Variants in ABTB3 observed in about 807,000 individuals in gnomAD.
ABTB3 encodes ankyrin repeat and BTB domain containing 3.
chr12:107,477,390 G>T, the ABTB3 span, among the ~76,000 whole-genome samples: 1 of 152,172 alleles, frequency 6.6e-6, no homozygotes, highest in Non-Finnish European at 1.5e-5. Context: ...GGCCACGTGG[G>T]TTCGCAGGCA....
the ABTB3 span, among the ~76,000 whole-genome samples, chr12:107,390,310 A>G: frequency 1.3e-5 from 2 of 152,204 alleles, no homozygotes; most frequent in Admixed American, 1.3e-4. Flanking sequence ...TCTTCCTTTT[A>G]TGGATGAGAG....
the ABTB3 span, among the ~76,000 whole-genome samples, chr12:107,569,530 T>C: frequency 6.6e-6 from 1 of 152,228 alleles, no homozygotes; most frequent in African/African-American, 2.4e-5. Context: ...TTTTCACAAC[T>C]GTGGTTTCTG....
chr12:107,552,405 C>T, the ABTB3 span, among the ~76,000 whole-genome samples: 1 of 152,210 alleles, frequency 6.6e-6, no homozygotes, highest in African/African-American at 2.4e-5. Context: ...TGAATGACTC[C>T]TAGTCTCCGT....
chr12:107,364,443 A>C, the ABTB3 span, among the ~76,000 whole-genome samples: 4 of 151,862 alleles, frequency 2.6e-5, no homozygotes, highest in East Asian at 7.8e-4. Context: ...GGCACACACC[A>C]CCACACCCGG....
At chr12:107,523,042 A>C in the ABTB3 span, among the ~76,000 whole-genome samples, 1 of 152,188 alleles carries the variant, frequency 6.6e-6, no homozygotes, top group Admixed American at 6.5e-5. Context: ...ATGGAATTGA[A>C]GCATTGATCA....
chr12:107,346,590 G>T, the ABTB3 span, among the ~76,000 whole-genome samples: 11 of 152,214 alleles, frequency 7.2e-5, no homozygotes, highest in African/African-American at 2.4e-4. Context: ...CTCCCAAGTA[G>T]CTGGGACTAC....
chr12:107,505,604 G>A, the ABTB3 span, among the ~76,000 whole-genome samples: 1 of 151,784 alleles, frequency 6.6e-6, no homozygotes, highest in Non-Finnish European at 1.5e-5. Context: ...TTTAAGTGGG[G>A]GTTGTAGTAC....
chr12:107,428,186 T>C, the ABTB3 span, among the ~76,000 whole-genome samples: 3 of 152,118 alleles, frequency 2.0e-5, no homozygotes, highest in Non-Finnish European at 4.4e-5. Context: ...ACAGAAGAAA[T>C]GGACAAATGA....
chr12:107,409,556 C>T, the ABTB3 span, among the ~76,000 whole-genome samples: 4 of 152,312 alleles, frequency 2.6e-5, no homozygotes, highest in East Asian at 1.9e-4. Flanking sequence ...TCCTTTGCAG[C>T]GACATGGATA....
At chr12:107,453,863 G>A in the ABTB3 span, among the ~76,000 whole-genome samples, 2 of 152,134 alleles carry the variant, frequency 1.3e-5, no homozygotes, top group African/African-American at 4.8e-5. Context: ...TAAAACCCTG[G>A]GAATTTGGTA....
the ABTB3 span, among the ~76,000 whole-genome samples, chr12:107,400,721 A>G: frequency 1.3e-5 from 2 of 152,110 alleles, no homozygotes; most frequent in African/African-American, 4.8e-5. Context: ...CACGCAAAGT[A>G]TACAAAGAGA....
the ABTB3 span, among the ~76,000 whole-genome samples, chr12:107,335,739 T>C: frequency 1.3e-5 from 2 of 152,032 alleles, no homozygotes; most frequent in Admixed American, 6.6e-5. Flanking sequence ...TTGGAAAGTG[T>C]CCTGCTGAGT....
the ABTB3 span, among the ~76,000 whole-genome samples, chr12:107,364,162 G>A: frequency 3.9e-5 from 6 of 152,136 alleles, no homozygotes; most frequent in African/African-American, 1.4e-4. Flanking sequence ...CCATGTGTTG[G>A]CTTGACATAT....
At chr12:107,319,540 C>A in the ABTB3 span, 2 of 1,555,234 alleles carry the variant, frequency 1.3e-6, no homozygotes, top group East Asian at 2.4e-5. Flanking sequence ...ACCGCCTGGG[C>A]CGCGGCAAGT....
chr12:107,365,012 C>T, the ABTB3 span, among the ~76,000 whole-genome samples: 11 of 152,250 alleles, frequency 7.2e-5, no homozygotes, highest in Non-Finnish European at 1.6e-4. Flanking sequence ...ACATAGCACA[C>T]ATTTGGGAGG....
chr12:107,451,786 G>A, the ABTB3 span, among the ~76,000 whole-genome samples: 127 of 151,938 alleles, frequency 8.4e-4, no homozygotes, highest in Non-Finnish European at 1.5e-3. Context: ...TTTAACTCCC[G>A]TTTGCCCTTT....
chr12:107,373,075 G>T, the ABTB3 span, among the ~76,000 whole-genome samples: 1 of 152,146 alleles, frequency 6.6e-6, no homozygotes. Context: ...AATGCCTCCA[G>T]ACATTGCTAA....
At chr12:107,515,757 GTCTTT>G in the ABTB3 span, among the ~76,000 whole-genome samples, 2 of 152,106 alleles carry the variant, frequency 1.3e-5, no homozygotes, top group Non-Finnish European at 2.9e-5. Flanking sequence ...TTCTGGGAAG[GTCTTT>G]TCTTCCCTGA....
At chr12:107,395,335 G>A in the ABTB3 span, among the ~76,000 whole-genome samples, 1 of 152,110 alleles carries the variant, frequency 6.6e-6, no homozygotes, top group South Asian at 2.1e-4. Context: ...TGGCCTCCCT[G>A]GTAACAGTGG....
Sources: gnomAD v4.1 joint callset for allele counts (sites outside exome capture counted in the v4.1 genomes callset) on GRCh38, gnomAD v4.1.1 for gene constraint, MANE v1.5 for transcripts, NCBI Gene and HGNC (gene_info 2026-07-23, HGNC 2026-07-21) for gene names.